Variants in NCEH1 observed in about 807,000 individuals in gnomAD.
The protein encoded by NCEH1 is 2-acetyl MAGE hydrolase.
In NCEH1, 9 loss-of-function variants were observed where a neutral mutation model predicts 25.4. That is an observed-to-expected ratio of 0.35 (90% confidence interval 0.21 to 0.62). NCEH1 has a LOEUF of 0.62. Among genes scored for constraint, NCEH1 ranks in the 20% least tolerant of loss-of-function variants. NCEH1 has a pLI of 0.72. For synonymous variants in NCEH1, 200 were observed against 199.8 expected, an observed-to-expected ratio of 1.00 and a Z score of -0.01; for missense variants, 412 against 501.1, an observed-to-expected ratio of 0.82 and a Z score of 1.70.
intron 3 of NCEH1, among the ~76,000 whole-genome samples, chr3:172,642,367 G>A (rs540135438): frequency 3.1e-4 from 47 of 151,804 alleles, no homozygotes; most frequent in Non-Finnish European, 6.6e-4. Flanking sequence ...TGTAAGACAG[G>A]GTTTTGCCAT....
intron 1 of NCEH1, among the ~76,000 whole-genome samples, chr3:172,704,145 T>C (rs914126743): frequency 6.6e-6 from 1 of 152,198 alleles, no homozygotes; most frequent in South Asian, 2.1e-4. Context: ...TGAGCTGTCA[T>C]TTAAACCACA....
intron 1 of NCEH1, among the ~76,000 whole-genome samples, chr3:172,706,630 C>T (rs1175618113): frequency 6.6e-6 from 1 of 151,654 alleles, no homozygotes; most frequent in African/African-American, 2.4e-5. Flanking sequence ...TCCCAAGTAG[C>T]TGGAATTACA....
rs775389782 is a variant in NCEH1 at position 172,634,103 on chromosome 3, G to A, written c.610-11C>T. On this transcript the variant is annotated splice_polypyrimidine_tract_variant and intron_variant, in intron 4 of 4. Coordinates refer to ENST00000475381, the MANE Select transcript of NCEH1 (RefSeq NM_020792.6). ...GGCATCTTGAGTAAACTAGAGAAGAGGAAGCAAATACATTATTTCATTTTG... is the reference window on the plus strand; with the variant it reads ...GGCATCTTGAGTAAACTAGAGAAGAAGAAGCAAATACATTATTTCATTTTG... 1 of 1,606,666 alleles carries A rather than the reference G, an allele frequency of 6.2e-7. No homozygotes were observed. Among genetic ancestry groups the A allele is most frequent in the South Asian group, 1.1e-5 (1 of 89,888 alleles).
chr3:172,678,026 A>C (rs529797073), intron 1 of NCEH1, among the ~76,000 whole-genome samples: 1 of 152,264 alleles, frequency 6.6e-6, no homozygotes, highest in African/African-American at 2.4e-5. Flanking sequence ...TGATTATTTT[A>C]AACACTGTCA....
intron 1 of NCEH1, among the ~76,000 whole-genome samples, chr3:172,668,594 C>T (rs2108511017): frequency 6.6e-6 from 1 of 152,044 alleles, no homozygotes; most frequent in East Asian, 1.9e-4. Context: ...ATGACTATAG[C>T]TTCAGCCTTC....
At chr3:172,684,089 TG>T (rs1447826045) in intron 1 of NCEH1, among the ~76,000 whole-genome samples, 1 of 152,214 alleles carries the variant, frequency 6.6e-6, no homozygotes, top group Non-Finnish European at 1.5e-5. Flanking sequence ...CATGGTCAAT[TG>T]TTCTTTCTTT....
chr3:172,645,220 T>G (rs1210220378), intron 3 of NCEH1, among the ~76,000 whole-genome samples: 3 of 152,196 alleles, frequency 2.0e-5, no homozygotes, highest in Admixed American at 6.5e-5. Flanking sequence ...CACGTATTTC[T>G]GTTCCCAAGG....
chr3:172,692,246 T>C (rs771079575), intron 1 of NCEH1, among the ~76,000 whole-genome samples: 3 of 152,218 alleles, frequency 2.0e-5, no homozygotes, highest in Non-Finnish European at 2.9e-5. Flanking sequence ...AAAAAGCTAC[T>C]AAAACCAAAC....
At chr3:172,666,013 G>C (rs888640821) in intron 1 of NCEH1, among the ~76,000 whole-genome samples, 1 of 152,214 alleles carries the variant, frequency 6.6e-6, no homozygotes, top group African/African-American at 2.4e-5. Flanking sequence ...GTCCCAGTGA[G>C]ATGAACCCAG....
At chr3:172,649,341 G>A (rs1717287634) in intron 1 of NCEH1, among the ~76,000 whole-genome samples, 1 of 152,046 alleles carries the variant, frequency 6.6e-6, no homozygotes, top group Admixed American at 6.6e-5. Flanking sequence ...TGAAAAACAA[G>A]AACAAGAGGC....
intron 1 of NCEH1, among the ~76,000 whole-genome samples, chr3:172,705,569 T>C (rs1178346745): frequency 6.6e-6 from 1 of 152,186 alleles, no homozygotes; most frequent in Non-Finnish European, 1.5e-5. Context: ...CTGCCCTGCC[T>C]GCCACCACTG....
At chr3:172,644,998 GAC>G (rs1717050616) in intron 3 of NCEH1, among the ~76,000 whole-genome samples, 1 of 152,120 alleles carries the variant, frequency 6.6e-6, no homozygotes, top group Admixed American at 6.5e-5. Flanking sequence ...AAGAAGAAGA[GAC>G]ACGTGTGCAA....
chr3:172,690,967 T>G lies in NCEH1; in HGVS notation c.138+19880A>C, dbSNP rs552336227. Among the ~76,000 whole-genome samples, 112 of 152,262 alleles carry G rather than the reference T, an allele frequency of 7.4e-4. 2 individuals carry two copies. Among genetic ancestry groups the G allele is most frequent in the African/African-American group, 2.5e-3 (103 of 41,500 alleles). On this transcript the variant is annotated intron_variant, in intron 1 of 4. Coordinates refer to ENST00000475381, the MANE Select transcript of NCEH1 (RefSeq NM_020792.6). ...AATTATGCTTCTGTGGGGAAATTTT[T>G]AAAGCAGCTATGACATCCAGGGATT...
intron 3 of NCEH1, among the ~76,000 whole-genome samples, chr3:172,636,876 T>G (rs562480749): frequency 1.8e-4 from 28 of 152,248 alleles, no homozygotes; most frequent in African/African-American, 6.7e-4. Flanking sequence ...ATTGGCAATC[T>G]TGGTTTAGAG....
intron 1 of NCEH1, among the ~76,000 whole-genome samples, chr3:172,700,489 G>A (rs780001244): frequency 6.6e-6 from 1 of 152,070 alleles, no homozygotes; most frequent in Admixed American, 6.6e-5. Context: ...TTCCCATTTC[G>A]CCAGCATAAC....
chr3:172,666,798 CTT>C (rs1718228709), intron 1 of NCEH1, among the ~76,000 whole-genome samples: 1 of 152,196 alleles, frequency 6.6e-6, no homozygotes. Flanking sequence ...CGATCTCTTA[CTT>C]TCTGTGTGTT....
At chr3:172,701,714 T>G (rs1713707217) in intron 1 of NCEH1, among the ~76,000 whole-genome samples, 1 of 148,980 alleles carries the variant, frequency 6.7e-6, no homozygotes, top group South Asian at 2.1e-4. Context: ...TCCGCCTGCC[T>G]CAGCCTCCCA....
At chr3:172,710,388 T>C (rs1714232688) in intron 1 of NCEH1, among the ~76,000 whole-genome samples, 1 of 152,202 alleles carries the variant, frequency 6.6e-6, no homozygotes, top group Non-Finnish European at 1.5e-5. Context: ...GAGACTGCCC[T>C]TGCCTGCTTC....
intron 1 of NCEH1, among the ~76,000 whole-genome samples, chr3:172,703,798 G>A (rs1713832614): frequency 6.6e-6 from 1 of 152,144 alleles, no homozygotes; most frequent in Non-Finnish European, 1.5e-5. Flanking sequence ...CCAGGTAGCT[G>A]AATCAATCTG....
Sources: allele counts gnomAD v4.1 joint callset (sites outside exome capture counted in the v4.1 genomes callset), GRCh38; gene constraint gnomAD v4.1.1; transcripts MANE v1.5; gene names NCBI Gene and HGNC (gene_info 2026-07-23, HGNC 2026-07-21).